CEP350: variants seen among roughly 807,000 people sequenced by gnomAD.
CEP350 encodes centrosomal protein 350.
CEP350 carries 126 observed loss-of-function variants against 331.8 expected under a neutral mutation model. The ratio of observed to expected loss-of-function variants is 0.38; its 90% CI spans 0.33 to 0.44. The LOEUF (loss-of-function observed/expected upper bound fraction) is 0.44, where lower values mean the gene tolerates loss of function less well. Ranked by LOEUF, CEP350 falls within the 20% of genes least tolerant of loss-of-function variation. The probability of loss-of-function intolerance (pLI) is 1.00; values close to 1 mark genes in which losing one functional copy is unlikely to be tolerated. For missense variants in CEP350, 3,406 were observed against 3,634.6 expected (o/e 0.94, Z 1.62); for synonymous variants, 1,200 against 1,259.5 (o/e 0.95, Z 1.00).
At chr1:179,981,579 G>A (rs1652273138) in intron 1 of CEP350, among the ~76,000 whole-genome samples, 1 of 152,158 alleles carries the variant, frequency 6.6e-6, no homozygotes, top group Admixed American at 6.5e-5. Flanking sequence ...TTAAAGAACA[G>A]ACCAACTTTA....
At chr1:180,030,205 A>C (rs147246679) in intron 14 of CEP350, among the ~76,000 whole-genome samples, 2 of 132,072 alleles carry the variant, frequency 1.5e-5, no homozygotes, top group Non-Finnish European at 3.4e-5. Context: ...TTTAACTTTA[A>C]ATTTTTTGTA....
intron 16 of CEP350, among the ~76,000 whole-genome samples, chr1:180,034,374 GCA>G (rs1656211864): frequency 6.6e-6 from 1 of 151,984 alleles, no homozygotes; most frequent in Non-Finnish European, 1.5e-5. Flanking sequence ...ACACATGTAC[GCA>G]TGCACACACA....
At chr1:180,003,344 A>G in intron 7 of CEP350, 57 bp downstream of exon 7, 4 of 1,096,136 alleles carry the variant, frequency 3.6e-6, no homozygotes, top group Non-Finnish European at 1.3e-6. Flanking sequence ...TATCTAATTT[A>G]TAATATTTAC....
intron 22 of CEP350, 130 bp downstream of exon 22, chr1:180,048,835 G>A: frequency 1.4e-6 from 1 of 704,292 alleles, no homozygotes; most frequent in Non-Finnish European, 2.3e-6. Context: ...TTGGGAGGCT[G>A]AGCTGGGAGA....
intron 1 of CEP350, among the ~76,000 whole-genome samples, chr1:179,958,298 T>C (rs1014442773): frequency 6.6e-6 from 1 of 152,148 alleles, no homozygotes; most frequent in Admixed American, 6.5e-5. Context: ...TAAAAGTATA[T>C]ATATTGTTTG....
chr1:180,013,911 A>G lies in CEP350; in HGVS notation c.1458A>G (p.Arg486=). ...RLDVLHRHLQ[R]NSERSRSKSR... ...ACGTTTTACATAGACATCTTCAAAG[A>G]AACTCAGAACGTTCGAGAAGTAAAT... Residue 486 remains arginine (R), a synonymous_variant, in exon 10 of 38, where the codon AGA becomes AGG. Transcript: ENST00000367607. 1 of 1,613,746 alleles carries G rather than the reference A, an allele frequency of 6.2e-7. No homozygotes were observed. The highest frequency in any genetic ancestry group is 1.3e-5 in the African/African-American group (1 of 74,992).
intron 7 of CEP350, among the ~76,000 whole-genome samples, chr1:180,003,796 G>A (rs1654030757): frequency 6.6e-6 from 1 of 152,310 alleles, no homozygotes. Context: ...AATAGTATGA[G>A]CTTGGGCAAG....
At chr1:180,048,042 G>A (rs571505218) in intron 21 of CEP350, among the ~76,000 whole-genome samples, 1 of 152,236 alleles carries the variant, frequency 6.6e-6, no homozygotes, top group South Asian at 2.1e-4. Context: ...ATTTTATTTA[G>A]CAAGTAGAGC....
chr1:180,021,598 C>T lies in CEP350; in HGVS notation c.3235+589C>T, dbSNP rs111827675. ...GCTTGAACCTGGTAGGCGGAGGTTG[C>T]AGTGAGCTGAGATCATGCCACTGCA... On this transcript the variant is annotated intron_variant, in intron 12 of 37. Transcript: ENST00000367607. Among the ~76,000 whole-genome samples the T allele has an allele frequency of 1.2e-3, 187 of 151,928 alleles. 1 individual carries two copies. The highest frequency in any genetic ancestry group is 1.0e-3 in the Non-Finnish European group (70 of 67,962).
In CEP350 at chr1:179,997,033, G is replaced by C. The variant is rs373352068; in HGVS notation, c.876G>C (p.Gln292His). 5 of 1,613,904 alleles carry C rather than the reference G, an allele frequency of 3.1e-6. No individual in the cohort carries two copies. The African/African-American group carries it at 5.3e-5, about 17-fold the overall frequency. ...AACTTAAGGAACGGATTAGAAAACA[G>C]TGGGAACACTCAGAAGAAACAAATG... is the stretch of plus-strand genomic sequence containing the variant. Reference protein sequence around the residue: ...LEKLKERIRKQWEHSEETNGR... With the variant: ...LEKLKERIRKHWEHSEETNGR... The change falls in exon 6 of 38, where the codon CAG becomes CAC. Residue 292 changes from glutamine (Q) to histidine (H), a missense_variant. Coordinates refer to ENST00000367607, the MANE Select transcript of CEP350 (RefSeq NM_014810.5).
chr1:179,973,680 G>A (rs992259350), intron 1 of CEP350, among the ~76,000 whole-genome samples: 9 of 152,062 alleles, frequency 5.9e-5, no homozygotes, highest in Non-Finnish European at 1.2e-4. Flanking sequence ...TACTTGTAGC[G>A]CTTTTCTTTG....
In CEP350 at chr1:179,992,161, T is replaced by C. The variant is rs1257122364; in HGVS notation, c.335T>C (p.Leu112Pro). ...KSRSPLRATT[L>P]ESNVKKNNRV... ...CGTAGTCCTCTCAGGGCCACCACCC[T>C]GGAGAGTAATGTGAAGAAAAATAAT... The change falls in exon 5 of 38, where the codon CTG (leucine) becomes CCG (proline). Residue 112 changes from leucine (L) to proline (P), a missense_variant. Coordinates refer to ENST00000367607, the MANE Select transcript of CEP350 (RefSeq NM_014810.5). 2.0e-6 allele frequency: 3 copies of C among 1,531,584 alleles called. No homozygotes were observed. The highest frequency in any genetic ancestry group is 2.5e-5 in the East Asian group (1 of 40,628). 94.9% of individuals were successfully genotyped at this position (1,531,584 alleles called of 1,614,324 possible). A position where few individuals can be genotyped will look rare whatever the true frequency, so the allele number is the denominator to read the frequency against.
intron 37 of CEP350, among the ~76,000 whole-genome samples, chr1:180,109,882 G>T (rs769671637): frequency 1.3e-5 from 2 of 152,052 alleles, no homozygotes; most frequent in African/African-American, 4.8e-5. Context: ...TGATCCACCC[G>T]CCTAGGCCTC....
chr1:180,043,010 C>G (rs781382223), intron 19 of CEP350, 46 bp from the exon 20 acceptor site: 26 of 1,578,136 alleles, frequency 1.6e-5, no homozygotes, highest in Middle Eastern at 3.4e-4. Context: ...GTTCTCTGAC[C>G]TTACGTTTTA....
intron 31 of CEP350, among the ~76,000 whole-genome samples, chr1:180,086,562 A>T (rs886254671): frequency 1.3e-5 from 2 of 150,166 alleles, no homozygotes; most frequent in Non-Finnish European, 2.9e-5. Context: ...TATATATATA[A>T]AATACATAGC....
chr1:180,003,043 A>G (rs1653967830), intron 6 of CEP350, 131 bp from the exon 7 acceptor site: 1 of 620,996 alleles, frequency 1.6e-6, no homozygotes, highest in African/African-American at 1.8e-5. Flanking sequence ...AATATACTAT[A>G]AACCACTGAA....
At chr1:180,036,834 A>C in intron 16 of CEP350, 92 bp from the exon 17 acceptor site, 1 of 1,374,658 alleles carries the variant, frequency 7.3e-7, no homozygotes. Context: ...AAGGAAAGCA[A>C]AGTTGATTTT....
At chr1:179,991,342 A>C (rs1173786753) in intron 4 of CEP350, among the ~76,000 whole-genome samples, 2 of 131,370 alleles carry the variant, frequency 1.5e-5, no homozygotes, top group Non-Finnish European at 3.1e-5. Flanking sequence ...TTTGAGACAG[A>C]GTCTCACTCT....
chr1:179,969,271 A>C, intron 1 of CEP350: 2 of 501,502 alleles, frequency 4.0e-6, no homozygotes, highest in South Asian at 1.5e-5. Context: ...CTGAAAAAGC[A>C]GAGCAGGCTG....
Sources: gnomAD v4.1 joint callset for allele counts (sites outside exome capture counted in the v4.1 genomes callset) on GRCh38, gnomAD v4.1.1 for gene constraint, MANE v1.5 for transcripts, NCBI Gene and HGNC (gene_info 2026-07-23, HGNC 2026-07-21) for gene names.